REV3L: variants seen among roughly 807,000 people sequenced by gnomAD.
The protein encoded by REV3L is REV3 like, DNA directed polymerase zeta catalytic subunit.
Under a neutral mutation model 299.4 loss-of-function variants are expected in REV3L, and 69 were observed. The ratio of observed to expected loss-of-function variants is 0.23; its 90% CI spans 0.19 to 0.28. The LOEUF is 0.28. Among genes scored for constraint, REV3L ranks in the 10% least tolerant of loss-of-function variants. The pLI, the probability that REV3L is intolerant of heterozygous loss-of-function variation, is 1.00. For synonymous variants in REV3L, 1,238 were observed against 1,271.4 expected (o/e 0.97, Z 0.56); for missense variants, 3,128 against 3,693.8 (o/e 0.85, Z 3.97).
intron 5 of REV3L, 39 bp downstream of exon 5, chr6:111,392,837 A>G: frequency 1.6e-6 from 2 of 1,250,288 alleles, no homozygotes; most frequent in African/African-American, 2.9e-5. Flanking sequence ...CAACTAGGAT[A>G]TATGTAAAAT....
At chr6:111,318,646 A>C (rs2114762260) in intron 26 of REV3L, among the ~76,000 whole-genome samples, 1 of 152,058 alleles carries the variant, frequency 6.6e-6, no homozygotes, top group South Asian at 2.1e-4. Flanking sequence ...ATCTCAGCTC[A>C]CCGCAACCTC....
intron 20 of REV3L, chr6:111,348,945 C>T (rs886090849): frequency 2.9e-5 from 6 of 207,860 alleles, no homozygotes; most frequent in Non-Finnish European, 2.8e-5. Context: ...GTGAGCACTG[C>T]ACCTGGCCCC....
chr6:111,306,315 G>A (rs907242750), intron 31 of REV3L, among the ~76,000 whole-genome samples: 2 of 152,134 alleles, frequency 1.3e-5, no homozygotes, highest in Admixed American at 6.6e-5. Context: ...AGGAGGAGGC[G>A]GCGAGGGGCA....
At chr6:111,339,086 C>A (rs1455166072) in intron 21 of REV3L, among the ~76,000 whole-genome samples, 1 of 152,106 alleles carries the variant, frequency 6.6e-6, no homozygotes, top group African/African-American at 2.4e-5. Context: ...AACTTAATAA[C>A]CTTTGCTGCT....
chr6:111,377,302 G>A (rs146545868), intron 12 of REV3L, among the ~76,000 whole-genome samples: 1 of 152,078 alleles, frequency 6.6e-6, no homozygotes, highest in African/African-American at 2.4e-5. Context: ...AAAATCAATA[G>A]AAAGTATGAT....
Position 111,399,239 on chromosome 6 carries a change from G to A in REV3L, c.565+6231C>T, listed in dbSNP as rs1782841984. Among the ~76,000 whole-genome samples, 3 of 151,960 alleles carry A rather than the reference G, an allele frequency of 2.0e-5. No individual in the cohort carries two copies. In the South Asian group the frequency reaches 6.2e-4, roughly 32 times the overall value. On this transcript the variant is annotated intron_variant, in intron 4 of 31. Coordinates refer to ENST00000368802, the MANE Select transcript of REV3L (RefSeq NM_001372078.1). ...CTGTCTTAAATTCTTGGTTATACTTGACAATGATAACTAACTTATTATTTT... is the reference window on the plus strand; with the variant it reads ...CTGTCTTAAATTCTTGGTTATACTTAACAATGATAACTAACTTATTATTTT...
intron 19 of REV3L, among the ~76,000 whole-genome samples, chr6:111,350,128 T>G (rs563986980): frequency 8.6e-4 from 131 of 152,336 alleles, no homozygotes; most frequent in Admixed American, 4.8e-3. Context: ...CATTACTTCC[T>G]TTATTTTAAC....
rs1239913372 is a variant in REV3L at position 111,375,940 on chromosome 6, A to G, written c.2415T>C (p.Ser805=). Residue 805 remains serine (S), a synonymous_variant, in exon 13 of 32, where the codon TCT becomes TCC. Coordinates refer to ENST00000368802, the MANE Select transcript of REV3L (RefSeq NM_001372078.1). The part of the protein sequence containing the change: ...HYMFFPSVVL[S]NCLTRPQKLS... The stretch of plus-strand genomic sequence containing the variant: ...GTTTCTGTGGTCTAGTAAGACAGTT[A>G]GAAAGAACAACACTGGGAAAAAACA... The G allele has an allele frequency of 6.2e-7, 1 of 1,613,990 alleles. No homozygotes were observed. Among genetic ancestry groups the G allele is most frequent in the East Asian group, 2.2e-5 (1 of 44,866 alleles).
rs981874071 is a variant in REV3L, at chr6:111,411,663, A to C, written c.330-109T>G. ...CTGGCCAAATTCAGTCTTACGTTTA[A>C]TATTATCCACCCCCCAAAAAACAAC... On this transcript the variant is annotated intron_variant, in intron 2 of 31. Transcript: ENST00000368802. The C allele has an allele frequency of 8.4e-6, 6 of 716,646 alleles. No individual in the cohort carries two copies. In the East Asian group the frequency reaches 1.7e-4, roughly 20 times the overall value. The allele number at this position is 716,646 out of a possible 1,614,324, so 44.4% of individuals were successfully genotyped here.
chr6:111,466,545 G>A (rs74833651), intron 1 of REV3L, among the ~76,000 whole-genome samples: 3,933 of 152,280 alleles, frequency 0.026, 55 homozygotes, highest in Middle Eastern at 0.054. Flanking sequence ...ACTCGGAAAT[G>A]TTAAAATTGG....
chr6:111,434,775 T>C (rs1787356650), intron 1 of REV3L, among the ~76,000 whole-genome samples: 2 of 150,144 alleles, frequency 1.3e-5, no homozygotes, highest in South Asian at 4.2e-4. Flanking sequence ...ATAGAAAATA[T>C]CTAAGAATCA....
rs117104718 is a variant in REV3L, at chr6:111,417,239, T to C, written c.140-767A>G. Among the ~76,000 whole-genome samples, 691 of 152,082 alleles carry C rather than the reference T, an allele frequency of 4.5e-3. 7 individuals carry two copies. Among genetic ancestry groups the C allele is most frequent in the Non-Finnish European group, 4.1e-3 (281 of 68,008 alleles). On this transcript the variant is annotated intron_variant, in intron 1 of 31. Coordinates refer to ENST00000368802, the MANE Select transcript of REV3L (RefSeq NM_001372078.1). ...GCACAGCCATGATAAAGAAAGTAATTTGAGTGAGAACCCACAAAAGAAATG... is the reference window on the plus strand; with the variant it reads ...GCACAGCCATGATAAAGAAAGTAATCTGAGTGAGAACCCACAAAAGAAATG...
At chr6:111,463,776 T>C (rs1225997895) in intron 1 of REV3L, among the ~76,000 whole-genome samples, 1 of 152,186 alleles carries the variant, frequency 6.6e-6, no homozygotes, top group African/African-American at 2.4e-5. Flanking sequence ...TCACTTAAAG[T>C]CACAATTTCC....
intron 4 of REV3L, among the ~76,000 whole-genome samples, chr6:111,396,035 G>A (rs1333771908): frequency 6.6e-6 from 1 of 151,040 alleles, no homozygotes; most frequent in African/African-American, 2.4e-5. Context: ...CCTGAAATAA[G>A]TTTTTTTTTG....
chr6:111,345,751 C>G (rs561299973), intron 20 of REV3L, among the ~76,000 whole-genome samples: 84 of 151,920 alleles, frequency 5.5e-4, no homozygotes, highest in Admixed American at 4.0e-3. Flanking sequence ...CCTTCATTCC[C>G]TTGTCCCTTT....
intron 31 of REV3L, among the ~76,000 whole-genome samples, chr6:111,305,921 C>T (rs550267669): frequency 6.6e-6 from 1 of 152,302 alleles, no homozygotes; most frequent in South Asian, 2.1e-4. Flanking sequence ...ACTAGAACCA[C>T]AAAACTGGTA....
At chr6:111,371,218 C>A (rs118173556) in intron 13 of REV3L, among the ~76,000 whole-genome samples, 2 of 152,312 alleles carry the variant, frequency 1.3e-5, no homozygotes, top group East Asian at 3.9e-4. Flanking sequence ...TTTAAACTTT[C>A]TGGATTAAGC....
At chr6:111,473,842 C>A (rs1413695576) in intron 1 of REV3L, among the ~76,000 whole-genome samples, 1 of 152,108 alleles carries the variant, frequency 6.6e-6, no homozygotes, top group Non-Finnish European at 1.5e-5. Context: ...CCCCAATTTT[C>A]AAATCCAGCC....
chr6:111,457,883 AAC>A (rs957145957), intron 1 of REV3L, among the ~76,000 whole-genome samples: 15 of 152,016 alleles, frequency 9.9e-5, no homozygotes, highest in African/African-American at 3.6e-4. Context: ...AACAAAAGAA[AAC>A]AGACACATCA....
Sources: gnomAD v4.1 joint callset for allele counts (sites outside exome capture counted in the v4.1 genomes callset) on GRCh38, gnomAD v4.1.1 for gene constraint, MANE v1.5 for transcripts, NCBI Gene and HGNC (gene_info 2026-07-23, HGNC 2026-07-21) for gene names.